Variants in FBL observed in about 807,000 individuals in gnomAD.
The protein encoded by FBL is fibrillarin rRNA 2'-O-methyltransferase, also known as rRNA 2'-O-methyltransferase fibrillarin.
In FBL, 10 loss-of-function variants were observed where a neutral mutation model predicts 42.2. The ratio of observed to expected loss-of-function variants is 0.24; its 90% CI spans 0.15 to 0.40. The LOEUF (loss-of-function observed/expected upper bound fraction) is 0.40. Among genes scored for constraint, FBL ranks in the 10% least tolerant of loss-of-function variants. The pLI is 1.00. For synonymous variants in FBL, 165 were observed against 165.4 expected, an observed-to-expected ratio of 1.00 and a Z score of 0.02; for missense variants, 351 against 439.2, an observed-to-expected ratio of 0.80 and a Z score of 1.79.
At chr19:39,839,329 A>G in intron 4 of FBL, 124 bp from the exon 5 acceptor site, 1 of 733,322 alleles carries the variant, frequency 1.4e-6, no homozygotes, top group African/African-American at 1.8e-5. Context: ...CAACATGAGT[A>G]AAGAGCAGTG....
Position 39,840,184 on chromosome 19 carries a change from A to T in FBL, c.378+49T>A. The T allele has an allele frequency of 7.6e-7, 1 of 1,308,060 alleles. No individual in the cohort carries two copies. Among genetic ancestry groups the T allele is most frequent in the Non-Finnish European group, 1.1e-6 (1 of 902,668 alleles). 81.0% of individuals were successfully genotyped at this position (1,308,060 alleles called of 1,614,324 possible). On this transcript the variant is annotated intron_variant, in intron 4 of 8. Transcript: ENST00000221801. This position sits in a 1 kb window ranked among gnomAD's most constrained non-coding sequence, Gnocchi z 4.5. Reference sequence around the variant, plus strand: ...TGAGGGCAGACACAGACTACTGGCTACACCCTCAGCTGCGACCCTGGTGGC... The same window carrying T: ...TGAGGGCAGACACAGACTACTGGCTTCACCCTCAGCTGCGACCCTGGTGGC...
chr19:39,838,065 T>C (rs1450080619), intron 5 of FBL: 3 of 486,412 alleles, frequency 6.2e-6, no homozygotes, highest in Non-Finnish European at 1.1e-5. Flanking sequence ...AAGTACCCAA[T>C]CCCATCTGCC....
Position 39,840,765 on chromosome 19 carries a change from G to C in FBL, c.33C>G (p.Gly11=), listed in dbSNP as rs1388563959. 3.2e-6 allele frequency: 5 copies of C among 1,567,328 alleles called. No homozygotes were observed. In the South Asian group the frequency reaches 5.8e-5, roughly 18 times the overall value. Reference sequence around the variant, plus strand: ...CACCAAAGCCCCCTCGGCCGCCAAAGCCACCCCCACGGGGACTGAATCCTG... The same window carrying C: ...CACCAAAGCCCCCTCGGCCGCCAAACCCACCCCCACGGGGACTGAATCCTG... MKPGFSPRGG[G]FGGRGGFGDR... Residue 11 remains glycine (G), a synonymous_variant, in exon 2 of 9, where the codon GGC becomes GGG. Coordinates refer to ENST00000221801, the MANE Select transcript of FBL (RefSeq NM_001436.4). The surrounding 1 kb of genome is among the most constrained non-coding windows in gnomAD (Gnocchi z 4.5).
At chr19:39,846,255 TCCGTCCCTGACC>T in intron 1 of FBL, 24 bp downstream of exon 1, 1 of 1,612,696 alleles carries the variant, frequency 6.2e-7, no homozygotes, top group Non-Finnish European at 8.5e-7. Context: ...CCGCCCGGCC[TCCGTCCCTGACC>T]CCGGACCCTC....
chr19:39,839,839 C>T (rs1427561125), intron 4 of FBL, among the ~76,000 whole-genome samples: 2 of 152,216 alleles, frequency 1.3e-5, no homozygotes, highest in Admixed American at 6.5e-5. Context: ...CAGGGGAGGG[C>T]GGTGAGGGAT....
At chr19:39,834,976 G>A (rs556420278) in intron 7 of FBL, among the ~76,000 whole-genome samples, 163 bp from the exon 8 acceptor site, 2 of 152,346 alleles carry the variant, frequency 1.3e-5, no homozygotes, top group African/African-American at 2.4e-5. Flanking sequence ...ACCCTTAAAT[G>A]CAAGAGTTGA....
rs371885454 is a variant in FBL, at chr19:39,834,748, T to C, written c.861A>G (p.Gln287=). ...AVFASEVKKM[Q]QENMKPQEQL... is the part of the protein sequence containing the mutation. ...GCTCCTGCGGCTTCATGTTCTCCTG[T>C]TGCATCTTTTTCACTTCGGAGGCAA... is the stretch of plus-strand genomic sequence containing the variant. The change falls in exon 8 of 9, where the codon CAA becomes CAG. Residue 287 remains glutamine, a synonymous_variant. Coordinates refer to ENST00000221801, the MANE Select transcript of FBL (RefSeq NM_001436.4). The C allele has an allele frequency of 6.8e-6, 11 of 1,614,068 alleles. No individual in the cohort carries two copies. The highest frequency in any genetic ancestry group is 5.0e-5 in the Admixed American group (3 of 60,008).
At chr19:39,841,344 C>T (rs1170671833) in intron 1 of FBL, among the ~76,000 whole-genome samples, 3 of 152,070 alleles carry the variant, frequency 2.0e-5, no homozygotes, top group African/African-American at 7.2e-5. Context: ...GTGTCAGGCA[C>T]CACACCCAGC....
At chr19:39,838,821 C>T (rs1428423779) in intron 5 of FBL, 3 of 532,168 alleles carry the variant, frequency 5.6e-6, no homozygotes, top group Admixed American at 3.4e-5. Flanking sequence ...GGTCACCCCA[C>T]ACCCACGTCT....
chr19:39,838,852 C>T (rs537645630), intron 5 of FBL, 183 bp downstream of exon 5: 12 of 594,492 alleles, frequency 2.0e-5, no homozygotes, highest in African/African-American at 1.9e-4. Context: ...GGCCAAGAAC[C>T]CAGGAGTGAG....
At chr19:39,837,631 G>T in intron 6 of FBL, 80 bp downstream of exon 6, 2 of 1,313,944 alleles carry the variant, frequency 1.5e-6, no homozygotes, top group Admixed American at 2.5e-5. Flanking sequence ...AACTCCATCC[G>T]AATCAGAGAT....
At chr19:39,839,308 G>T in intron 4 of FBL, 103 bp from the exon 5 acceptor site, 1 of 882,342 alleles carries the variant, frequency 1.1e-6, no homozygotes, top group Non-Finnish European at 1.7e-6. Flanking sequence ...TCCTATCACT[G>T]CACAAGAACT....
intron 5 of FBL, chr19:39,838,624 A>C (rs1969098016): frequency 6.2e-6 from 1 of 162,330 alleles, no homozygotes; most frequent in Admixed American, 6.1e-5. Flanking sequence ...ACAAAGGGTA[A>C]CAGAGTGGGA....
chr19:39,841,457 A>G (rs1431017637), intron 1 of FBL, among the ~76,000 whole-genome samples: 3 of 152,230 alleles, frequency 2.0e-5, no homozygotes, highest in African/African-American at 4.8e-5. Flanking sequence ...GGGATAGGGG[A>G]GGAGTACATG....
intron 7 of FBL, 118 bp from the exon 8 acceptor site, chr19:39,834,931 A>G: frequency 9.4e-7 from 1 of 1,059,744 alleles, no homozygotes; most frequent in South Asian, 1.5e-5. Context: ...CTATGGTTCT[A>G]GTGTGTCCCC....
chr19:39,842,204 G>A (rs1568542024), intron 1 of FBL, among the ~76,000 whole-genome samples: 1 of 151,802 alleles, frequency 6.6e-6, no homozygotes, highest in Non-Finnish European at 1.5e-5. Context: ...TCCTGCCTCA[G>A]CCTCCCCAGT....
chr19:39,844,249 C>T (rs576893903), intron 1 of FBL, among the ~76,000 whole-genome samples: 2 of 152,262 alleles, frequency 1.3e-5, no homozygotes, highest in Admixed American at 1.3e-4. Flanking sequence ...AGGGGAGATG[C>T]CACAGCTAGG....
chr19:39,845,760 A>T (rs940722384), intron 1 of FBL, among the ~76,000 whole-genome samples: 1 of 152,182 alleles, frequency 6.6e-6, no homozygotes, highest in Non-Finnish European at 1.5e-5. Flanking sequence ...AGCGCCGCAC[A>T]CGGCCAACCG....
Position 39,834,865 on chromosome 19 carries a change from T to C in FBL, c.796-52A>G, listed in dbSNP as rs754404516. On this transcript the variant is annotated intron_variant, in intron 7 of 8. Coordinates refer to ENST00000221801, the MANE Select transcript of FBL (RefSeq NM_001436.4). ...ACAACAGGGCTTTGGGCTGTTTTTCTCTTGTGTGCTCTTTAAACCAGATGT... is the reference window on the plus strand; with the variant it reads ...ACAACAGGGCTTTGGGCTGTTTTTCCCTTGTGTGCTCTTTAAACCAGATGT... The C allele has an allele frequency of 9.5e-6, 15 of 1,577,306 alleles. No homozygotes were observed. In the African/African-American group the frequency reaches 1.9e-4, roughly 20 times the overall value.
Sources: gnomAD v4.1 joint callset for allele counts (sites outside exome capture counted in the v4.1 genomes callset) on GRCh38, gnomAD v4.1.1 for gene constraint, Gnocchi (gnomAD v3.1) non-coding constraint, MANE v1.5 for transcripts, NCBI Gene and HGNC (gene_info 2026-07-23, HGNC 2026-07-21) for gene names.